The following CFAP299 variants were observed in gnomAD, a reference collection of about 807,000 sequenced individuals.
CFAP299 encodes cilia and flagella associated protein 299.
In CFAP299, 21 loss-of-function variants were observed where a neutral mutation model predicts 27.0. That is an observed-to-expected ratio of 0.78 (90% CI 0.55 to 1.12). The LOEUF is 1.12. Ranked by LOEUF, CFAP299 falls within the 50% of genes most tolerant of loss-of-function variation. The pLI, the probability that CFAP299 is intolerant of heterozygous loss-of-function variation, is 0.00. For synonymous variants in CFAP299, 104 were observed against 98.1 expected, an observed-to-expected ratio of 1.06 and a Z score of -0.36; for missense variants, 310 against 276.6, an observed-to-expected ratio of 1.12 and a Z score of -0.86.
At position 80,637,465 on chromosome 4, in the gene CFAP299, C is replaced by T. The variant is rs192294497; in HGVS notation, c.333+54282C>T. On this transcript the variant is annotated intron_variant, in intron 3 of 5. Transcript: ENST00000358105. The stretch of plus-strand genomic sequence containing the variant: ...TTGTCTTTGGTCTGTGGACCTAAGA[C>T]AGTTGCTATCGGTGGAACCTTTTTC... Among the ~76,000 whole-genome samples, 284 of 152,272 alleles carry T rather than the reference C, an allele frequency of 1.9e-3. 1 individual carries two copies. The highest frequency in any genetic ancestry group is 6.3e-3 in the African/African-American group (263 of 41,540).
intron 3 of CFAP299, among the ~76,000 whole-genome samples, chr4:80,612,859 C>T (rs545467330): frequency 5.4e-4 from 82 of 152,164 alleles, no homozygotes; most frequent in Non-Finnish European, 9.9e-4. Context: ...TCATTTAGCA[C>T]GTGGTTCTTA....
At chr4:80,822,509 T>C (rs79692663) in intron 3 of CFAP299, among the ~76,000 whole-genome samples, 1,856 of 152,270 alleles carry the variant, frequency 0.012, 37 homozygotes, top group African/African-American at 0.04. Flanking sequence ...ATTTAAAATA[T>C]TCAGTACATT....
At chr4:80,457,053 G>A (rs1476812429) in intron 2 of CFAP299, among the ~76,000 whole-genome samples, 1 of 150,882 alleles carries the variant, frequency 6.6e-6, no homozygotes, top group Non-Finnish European at 1.5e-5. Flanking sequence ...TTATTAAAGA[G>A]ACCATGAGAA....
At chr4:80,382,089 A>G (rs1724728913) in intron 2 of CFAP299, among the ~76,000 whole-genome samples, 1 of 152,148 alleles carries the variant, frequency 6.6e-6, no homozygotes, top group Non-Finnish European at 1.5e-5. Flanking sequence ...TTTAAAAGAG[A>G]AAAATAAGCT....
intron 2 of CFAP299, among the ~76,000 whole-genome samples, chr4:80,581,543 AT>A: frequency 6.7e-6 from 1 of 148,324 alleles, no homozygotes; most frequent in African/African-American, 2.5e-5. Context: ...GTTATGATCA[AT>A]TTAAAGAGCT....
chr4:80,428,693 AT>A (rs397880702), intron 2 of CFAP299, among the ~76,000 whole-genome samples: 954 of 17,362 alleles, frequency 0.055, 23 homozygotes, highest in African/African-American at 0.064. Context: ...TGCCTCGCTA[AT>A]TTTTTTTTTT....
At position 80,658,547 on chromosome 4, in the gene CFAP299, T is replaced by C. The variant is rs181719429; in HGVS notation, c.333+75364T>C. On this transcript the variant is annotated intron_variant, in intron 3 of 5. Transcript: ENST00000358105. Reference sequence around the variant, plus strand: ...TATGGATTACATTTATTGATTTGTGTATGTTTTACCAGCCTTGCATCATTG... The same window carrying C: ...TATGGATTACATTTATTGATTTGTGCATGTTTTACCAGCCTTGCATCATTG... Among the ~76,000 whole-genome samples the C allele has an allele frequency of 9.5e-3, 1,450 of 152,308 alleles. 20 individuals are homozygous for C. Among genetic ancestry groups the C allele is most frequent in the Non-Finnish European group, 0.016 (1,087 of 68,018 alleles).
chr4:80,758,988 A>G (rs1725405508), intron 3 of CFAP299, among the ~76,000 whole-genome samples: 1 of 152,192 alleles, frequency 6.6e-6, no homozygotes, highest in African/African-American at 2.4e-5. Context: ...AATCCTGGAA[A>G]AGAAATAGTG....
chr4:80,470,961 G>A (rs1180916665), intron 2 of CFAP299, among the ~76,000 whole-genome samples: 1 of 152,076 alleles, frequency 6.6e-6, no homozygotes, highest in Non-Finnish European at 1.5e-5. Flanking sequence ...AAAGAGATAA[G>A]GACAGTAATA....
chr4:80,618,839 T>C (rs1213616392), intron 3 of CFAP299, among the ~76,000 whole-genome samples: 6 of 151,996 alleles, frequency 3.9e-5, no homozygotes, highest in African/African-American at 1.4e-4. Context: ...AATAATATCA[T>C]AAATAAAATA....
At chr4:80,715,447 T>C (rs905299772) in intron 3 of CFAP299, among the ~76,000 whole-genome samples, 1 of 152,066 alleles carries the variant, frequency 6.6e-6, no homozygotes, top group African/African-American at 2.4e-5. Context: ...AAAAGGTTTG[T>C]TTTGTTTTGT....
chr4:80,865,262 A>G (rs989915675), intron 3 of CFAP299, among the ~76,000 whole-genome samples: 2 of 152,222 alleles, frequency 1.3e-5, no homozygotes, highest in Non-Finnish European at 1.5e-5. Flanking sequence ...TATTCATAGA[A>G]GAAATAATTA....
chr4:80,955,049 T>A (rs1289205320), intron 5 of CFAP299, among the ~76,000 whole-genome samples: 5 of 124,572 alleles, frequency 4.0e-5, no homozygotes, highest in East Asian at 2.7e-4. Context: ...CACATGGCCA[T>A]ATACAGAGTA....
intron 4 of CFAP299, among the ~76,000 whole-genome samples, chr4:80,895,290 AT>A (rs960371990): frequency 1.8e-4 from 27 of 152,044 alleles, no homozygotes; most frequent in Admixed American, 7.2e-4. Context: ...CACTCTGTAA[AT>A]CTTAAATATA....
intron 3 of CFAP299, among the ~76,000 whole-genome samples, chr4:80,721,335 A>C (rs1355515997): frequency 6.6e-6 from 1 of 152,222 alleles, no homozygotes; most frequent in African/African-American, 2.4e-5. Context: ...TGGCTTAAAC[A>C]AAAGAAATTT....
At chr4:80,349,577 A>G (rs552167105) in intron 1 of CFAP299, among the ~76,000 whole-genome samples, 5 of 152,338 alleles carry the variant, frequency 3.3e-5, no homozygotes, top group Admixed American at 2.6e-4. Context: ...AAATGAATCC[A>G]AGAATATATT....
intron 2 of CFAP299, among the ~76,000 whole-genome samples, chr4:80,582,793 G>A (rs901329505): frequency 2.0e-5 from 3 of 151,672 alleles, no homozygotes; most frequent in South Asian, 2.1e-4. Context: ...TGAGCCATAC[G>A]AACATGTTGA....
chr4:80,679,297 G>A (rs1040631774), intron 3 of CFAP299, among the ~76,000 whole-genome samples: 7 of 151,858 alleles, frequency 4.6e-5, no homozygotes, highest in African/African-American at 1.4e-4. Context: ...TTCAAATTTT[G>A]TTTGCCCTTC....
At chr4:80,592,940 A>G (rs1736857800) in intron 3 of CFAP299, among the ~76,000 whole-genome samples, 2 of 152,166 alleles carry the variant, frequency 1.3e-5, no homozygotes, top group African/African-American at 4.8e-5. Flanking sequence ...TTTCTCCTTA[A>G]CTCTAAGATG....
Sources: gnomAD v4.1 joint callset for allele counts (sites outside exome capture counted in the v4.1 genomes callset) on GRCh38, gnomAD v4.1.1 for gene constraint, MANE v1.5 for transcripts, NCBI Gene and HGNC (gene_info 2026-07-23, HGNC 2026-07-21) for gene names.